Variants in LIN52 observed in about 807,000 individuals in gnomAD.
LIN52 encodes the protein protein lin-52 homolog.
In LIN52, 4 loss-of-function variants were observed where a neutral mutation model predicts 18.5. The ratio of observed to expected loss-of-function variants is 0.22; its 90% confidence interval spans 0.11 to 0.49. The LOEUF (loss-of-function observed/expected upper bound fraction) is 0.49, where lower values mean the gene tolerates loss of function less well. LIN52 is among the 20% of genes least tolerant of loss of function. The pLI, the probability that LIN52 is intolerant of heterozygous loss-of-function variation, is 0.97. For synonymous variants in LIN52, 34 were observed against 45.5 expected, an observed-to-expected ratio of 0.75 and a Z score of 1.02; for missense variants, 102 against 139.5, an observed-to-expected ratio of 0.73 and a Z score of 1.35.
At position 74,091,277 on chromosome 14, in the gene LIN52, G is replaced by A. The variant is rs750188633; in HGVS notation, c.65G>A (p.Arg22His). 1 of 1,610,268 alleles carries A rather than the reference G, an allele frequency of 6.2e-7. No homozygotes were observed. The highest frequency in any genetic ancestry group is 8.5e-7 in the Non-Finnish European group (1 of 1,176,952). Residue 22 changes from arginine (R) to histidine (H), a missense_variant, in exon 2 of 6, where the codon CGT becomes CAT. Transcript: ENST00000555028. ...TTGCTAAGTTTTGAAAAACTTGACC[G>A]TGCCTCACCAGATCTTTGGCCAGAA... is the stretch of plus-strand genomic sequence containing the variant. Reference protein sequence around the residue: ...ASLLSFEKLDRASPDLWPEQL... With the variant: ...ASLLSFEKLDHASPDLWPEQL...
At chr14:74,162,023 A>G (rs2061227499) in intron 5 of LIN52, among the ~76,000 whole-genome samples, 1 of 152,198 alleles carries the variant, frequency 6.6e-6, no homozygotes, top group Non-Finnish European at 1.5e-5. Context: ...AGGAAGCGAG[A>G]GACAGTAAAT....
chr14:74,101,625 AT>A (rs1337463715), intron 5 of LIN52, among the ~76,000 whole-genome samples: 2 of 151,184 alleles, frequency 1.3e-5, no homozygotes, highest in African/African-American at 2.4e-5. Context: ...CGCCCGGCTG[AT>A]TTTTTTTGTA....
intron 5 of LIN52, among the ~76,000 whole-genome samples, chr14:74,126,323 G>T (rs1420886016): frequency 6.6e-6 from 1 of 152,158 alleles, no homozygotes; most frequent in Non-Finnish European, 1.5e-5. Context: ...TGGGAAACTG[G>T]TATTTCTTCA....
chr14:74,156,854 A>T (rs76396909), intron 5 of LIN52, among the ~76,000 whole-genome samples: 4,429 of 151,918 alleles, frequency 0.029, 217 homozygotes, highest in African/African-American at 0.1. Context: ...TACTTAGGAG[A>T]TCAACTTTTT....
intron 5 of LIN52, among the ~76,000 whole-genome samples, chr14:74,155,929 G>A (rs1416450164): frequency 6.6e-6 from 1 of 152,114 alleles, no homozygotes. Flanking sequence ...GTAATCAGAA[G>A]AGTGGGAAGG....
intron 5 of LIN52, among the ~76,000 whole-genome samples, chr14:74,182,118 C>T (rs942152566): frequency 6.6e-6 from 1 of 151,968 alleles, no homozygotes; most frequent in African/African-American, 2.4e-5. Context: ...TCAAGCAGTC[C>T]TCCCACCCCA....
At chr14:74,116,093 G>A (rs1176930911) in intron 5 of LIN52, among the ~76,000 whole-genome samples, 2 of 151,992 alleles carry the variant, frequency 1.3e-5, no homozygotes, top group Non-Finnish European at 2.9e-5. Context: ...ACCTGAGATT[G>A]GGAGTTTGAG....
At chr14:74,088,375 G>A (rs2060749605) in intron 1 of LIN52, among the ~76,000 whole-genome samples, 1 of 151,878 alleles carries the variant, frequency 6.6e-6, no homozygotes, top group Non-Finnish European at 1.5e-5. Context: ...ACAGGCGTGA[G>A]CCACCATGCC....
intron 1 of LIN52, 148 bp from the exon 2 acceptor site, chr14:74,091,084 C>T: frequency 2.0e-6 from 1 of 497,160 alleles, no homozygotes. Flanking sequence ...TATTTGTATT[C>T]TATCACGGAC....
intron 5 of LIN52, among the ~76,000 whole-genome samples, chr14:74,169,329 C>CCCTTTTTCCCAATTCCAAGAAGTAT: frequency 6.6e-6 from 1 of 152,154 alleles, no homozygotes; most frequent in Admixed American, 6.5e-5. Flanking sequence ...CTTTTCTCCT[C>CCCTTTTTCCCAATTCCAAGAAGTAT]CCTTTTTCCC....
intron 5 of LIN52, among the ~76,000 whole-genome samples, chr14:74,171,736 C>T (rs374626196): frequency 2.9e-4 from 36 of 122,684 alleles, no homozygotes; most frequent in East Asian, 5.5e-4. Flanking sequence ...TATTTTAATT[C>T]TTTTTTTTTT....
At chr14:74,113,588 T>G (rs1229005237) in intron 5 of LIN52, among the ~76,000 whole-genome samples, 1 of 151,896 alleles carries the variant, frequency 6.6e-6, no homozygotes, top group Non-Finnish European at 1.5e-5. Context: ...AGGAAGGAGA[T>G]AGAGGGGCCA....
chr14:74,094,153 A>T (rs955226253), intron 2 of LIN52, among the ~76,000 whole-genome samples: 4 of 152,134 alleles, frequency 2.6e-5, no homozygotes, highest in Non-Finnish European at 4.4e-5. Context: ...CCATCTTGGT[A>T]TGTGTATGTC....
intron 4 of LIN52, among the ~76,000 whole-genome samples, chr14:74,099,266 T>C (rs1032233770): frequency 6.6e-6 from 1 of 151,866 alleles, no homozygotes; most frequent in African/African-American, 2.4e-5. Flanking sequence ...GACTGTGGCA[T>C]GATAAATGAG....
At chr14:74,180,515 C>T (rs1377509330) in intron 5 of LIN52, among the ~76,000 whole-genome samples, 2 of 152,012 alleles carry the variant, frequency 1.3e-5, no homozygotes, top group African/African-American at 4.8e-5. Flanking sequence ...GCCTCGGCCT[C>T]CCAAAGTACT....
chr14:74,118,894 T>C (rs1477280668), intron 5 of LIN52, among the ~76,000 whole-genome samples: 3 of 152,222 alleles, frequency 2.0e-5, no homozygotes. Context: ...ATAATTTTGT[T>C]TATCTTTGAA....
At chr14:74,094,710 ATTTCCT>A (rs2060795831) in intron 2 of LIN52, among the ~76,000 whole-genome samples, 1 of 151,132 alleles carries the variant, frequency 6.6e-6, no homozygotes, top group African/African-American at 2.4e-5. Context: ...TTCATTTTAC[ATTTCCT>A]TTTTGGTGAG....
intron 5 of LIN52, among the ~76,000 whole-genome samples, chr14:74,168,283 C>T (rs2061257682): frequency 2.6e-5 from 4 of 152,216 alleles, no homozygotes; most frequent in Non-Finnish European, 5.9e-5. Flanking sequence ...TTTAATCTTA[C>T]AGTCCTCTCT....
chr14:74,157,459 AT>A (rs56310225), intron 5 of LIN52, among the ~76,000 whole-genome samples: 5 of 139,926 alleles, frequency 3.6e-5, no homozygotes, highest in African/African-American at 5.2e-5. Flanking sequence ...ATATATATAT[AT>A]TTTTTAATTA....
Sources: gnomAD v4.1 joint callset for allele counts (sites outside exome capture counted in the v4.1 genomes callset) on GRCh38, gnomAD v4.1.1 for gene constraint, MANE v1.5 for transcripts, NCBI Gene and HGNC (gene_info 2026-07-23, HGNC 2026-07-21) for gene names.